The following GABPB2 variants were observed in gnomAD, a reference collection of about 807,000 sequenced individuals.
The protein encoded by GABPB2 is GA binding protein transcription factor subunit beta 2.
In GABPB2, 23 loss-of-function variants were observed where a neutral mutation model predicts 39.1. That is an observed-to-expected ratio of 0.59 (90% CI 0.42 to 0.83). The LOEUF is 0.83. GABPB2 is among the 40% of genes least tolerant of loss of function. GABPB2 has a pLI of 0.00. For missense variants in GABPB2, 467 were observed against 541.1 expected (o/e 0.86, Z 1.36); for synonymous variants, 184 against 199.3 (o/e 0.92, Z 0.65).
At position 151,084,932 on chromosome 1, in the gene GABPB2, C is replaced by A. The variant is rs755859679; in HGVS notation, c.1-3258C>A. On this transcript the variant is annotated intron_variant, in intron 1 of 8. Transcript: ENST00000368918. ...AGTGATGTTGCAGACTCTGTCTCTA[C>A]AAAAAATTTAAAAAAAAATTAGCTG... Among the ~76,000 whole-genome samples, 235 of 151,894 alleles carry A rather than the reference C, an allele frequency of 1.5e-3. 2 individuals are homozygous for A. The highest frequency in any genetic ancestry group is 2.8e-3 in the Non-Finnish European group (188 of 67,978).
At chr1:151,092,100 A>ATTTTTTTTTTTTTTTTTTTTTTTTT (rs34298127) in intron 3 of GABPB2, among the ~76,000 whole-genome samples, 1 of 58,110 alleles carries the variant, frequency 1.7e-5, no homozygotes, top group African/African-American at 6.5e-5. Context: ...CAGTTTTCTA[A>ATTTTTTTTTTTTTTTTTTTTTTTTT]TTTTTTTTTT....
intron 7 of GABPB2, among the ~76,000 whole-genome samples, chr1:151,116,344 A>G (rs1402411076): frequency 1.4e-5 from 2 of 146,686 alleles, no homozygotes; most frequent in East Asian, 2.1e-4. Context: ...TAGCCATTGC[A>G]CTCCAGAGAT....
rs948214315 is a variant in GABPB2 at position 151,097,036 on chromosome 1, C to T, written c.472-816C>T. ...AAGCAATTCTCCTGCCTCAGCCTCCCGAGTAGCTGGGATTACAAGCACCTG... is the reference window on the plus strand; with the variant it reads ...AAGCAATTCTCCTGCCTCAGCCTCCTGAGTAGCTGGGATTACAAGCACCTG... On this transcript the variant is annotated intron_variant, in intron 4 of 8. Transcript: ENST00000368918. Among the ~76,000 whole-genome samples, 14 of 152,072 alleles carry T rather than the reference C, an allele frequency of 9.2e-5. No homozygotes were observed. In the South Asian group the frequency reaches 2.3e-3, roughly 25 times the overall value.
chr1:151,116,474 G>A (rs1263391834), intron 7 of GABPB2, among the ~76,000 whole-genome samples: 1 of 151,248 alleles, frequency 6.6e-6, no homozygotes, highest in Admixed American at 6.6e-5. Flanking sequence ...TGTGTGTGTT[G>A]ACTCTTCTCT....
At chr1:151,071,773 C>G (rs1034646879) in intron 1 of GABPB2, among the ~76,000 whole-genome samples, 1 of 152,134 alleles carries the variant, frequency 6.6e-6, no homozygotes, top group African/African-American at 2.4e-5. Flanking sequence ...CTCCCGGCCT[C>G]GCCTCTGCTT....
intron 3 of GABPB2, among the ~76,000 whole-genome samples, chr1:151,092,527 T>C (rs993431785): frequency 2.6e-5 from 4 of 152,054 alleles, no homozygotes; most frequent in Non-Finnish European, 5.9e-5. Context: ...GTTCTGGGAT[T>C]ACAGGCATGA....
At chr1:151,083,190 C>T (rs987094719) in intron 1 of GABPB2, among the ~76,000 whole-genome samples, 9 of 152,042 alleles carry the variant, frequency 5.9e-5, no homozygotes, top group African/African-American at 1.7e-4. Context: ...TTTTATTATA[C>T]AATGTCAAAA....
chr1:151,082,720 A>G (rs1448869644), intron 1 of GABPB2, among the ~76,000 whole-genome samples: 2 of 151,926 alleles, frequency 1.3e-5, no homozygotes, highest in African/African-American at 4.8e-5. Context: ...ACAAATGGTA[A>G]TTTCTTAAAA....
intron 7 of GABPB2, among the ~76,000 whole-genome samples, chr1:151,116,919 C>T (rs587768032): frequency 1.5e-4 from 23 of 152,080 alleles, no homozygotes; most frequent in South Asian, 2.1e-4. Context: ...CATTTCTGGG[C>T]GGATTGATAA....
chr1:151,103,440 G>A, intron 5 of GABPB2, 122 bp from the exon 6 acceptor site: 1 of 615,436 alleles, frequency 1.6e-6, no homozygotes, highest in South Asian at 2.3e-5. Context: ...ATCAGTTTGA[G>A]TTAGAGAACA....
At chr1:151,099,442 C>T (rs148420595) in intron 5 of GABPB2, among the ~76,000 whole-genome samples, 1,645 of 152,190 alleles carry the variant, frequency 0.011, 43 homozygotes, top group African/African-American at 0.038. Flanking sequence ...ATGATCTACC[C>T]GCCTCGGCCT....
At chr1:151,080,220 A>C (rs928389290) in intron 1 of GABPB2, among the ~76,000 whole-genome samples, 4 of 129,502 alleles carry the variant, frequency 3.1e-5, no homozygotes, top group Non-Finnish European at 6.4e-5. Flanking sequence ...CATCTCAAAA[A>C]AAAAAAAAAA....
Position 151,121,931 on chromosome 1 carries a change from C to T in GABPB2, c.*3675C>T, listed in dbSNP as rs1279955263. The T allele has an allele frequency of 6.6e-6, 1 of 152,148 alleles. No individual in the cohort carries two copies. Among genetic ancestry groups the T allele is most frequent in the Non-Finnish European group, 1.5e-5 (1 of 68,020 alleles). 9.4% of individuals were successfully genotyped at this position (152,148 alleles called of 1,614,324 possible). ...ACCAGAGGGAGATGTGCCAAGTAAA[C>T]ATTCGAATGACTGTTTAGAATATGG... On this transcript the variant is annotated 3_prime_UTR_variant, in exon 9 of 9. Transcript: ENST00000368918.
intron 3 of GABPB2, among the ~76,000 whole-genome samples, chr1:151,092,593 GT>G (rs370294993): frequency 8.4e-5 from 12 of 142,342 alleles, no homozygotes; most frequent in African/African-American, 1.3e-4. Flanking sequence ...AATGGTTTTT[GT>G]TTTTTTTTTT....
intron 1 of GABPB2, among the ~76,000 whole-genome samples, chr1:151,077,505 C>T (rs587727045): frequency 1.5e-3 from 231 of 151,946 alleles, no homozygotes; most frequent in Non-Finnish European, 2.4e-3. Context: ...TACAGGCATG[C>T]AACACCACGC....
chr1:151,076,130 A>G (rs1381127113), intron 1 of GABPB2, among the ~76,000 whole-genome samples: 3 of 152,210 alleles, frequency 2.0e-5, no homozygotes, highest in African/African-American at 7.2e-5. Flanking sequence ...ATTCCTACAC[A>G]AAGAGTACAA....
chr1:151,098,453 A>G (rs1319263302), intron 5 of GABPB2, among the ~76,000 whole-genome samples: 2 of 151,626 alleles, frequency 1.3e-5, no homozygotes, highest in African/African-American at 4.8e-5. Flanking sequence ...GTGAGTTATA[A>G]TTGTGCCACT....
chr1:151,071,145 T>G (rs1416995896), intron 1 of GABPB2, among the ~76,000 whole-genome samples: 5 of 134,038 alleles, frequency 3.7e-5, no homozygotes, highest in Non-Finnish European at 3.2e-5. Context: ...TGGAAGGAGG[T>G]GAAGAAGGGG....
At chr1:151,105,815 CTTGATTTATCAGAGGA>C (rs1239112954) in intron 6 of GABPB2, among the ~76,000 whole-genome samples, 1 of 151,398 alleles carries the variant, frequency 6.6e-6, no homozygotes, top group African/African-American at 2.4e-5. Flanking sequence ...AGCTATTATT[CTTGATTTATCAGAGGA>C]AAAAAGCCAT....
Sources: allele counts gnomAD v4.1 joint callset (sites outside exome capture counted in the v4.1 genomes callset), GRCh38; gene constraint gnomAD v4.1.1; transcripts MANE v1.5; gene names NCBI Gene and HGNC (gene_info 2026-07-23, HGNC 2026-07-21).